OAS2: variants seen among roughly 807,000 people sequenced by gnomAD.
OAS2 encodes the protein 2'-5'-oligoadenylate synthase 2.
OAS2 carries 67 observed loss-of-function variants against 71.3 expected under a neutral mutation model. That is an observed-to-expected ratio of 0.94 (90% CI 0.77 to 1.15). The LOEUF (loss-of-function observed/expected upper bound fraction) is 1.15, where lower values mean the gene tolerates loss of function less well. Among genes scored for constraint, OAS2 ranks in the 50% most tolerant of loss-of-function variants. The probability of loss-of-function intolerance (pLI) is 0.00; values close to 1 mark genes in which losing one functional copy is unlikely to be tolerated. For missense variants in OAS2, 789 were observed against 822.5 expected (o/e 0.96, Z 0.50); for synonymous variants, 327 against 321.8 (o/e 1.02, Z -0.17).
rs1176778260 is a variant in OAS2, at chr12:113,010,409, C to G, written c.*1154C>G. The stretch of plus-strand genomic sequence containing the variant: ...CACCAGGAAGTTGTGGAGCTAGGAT[C>G]CATCCTATTGTCAATGAGATGTTCT... On this transcript the variant is annotated 3_prime_UTR_variant, in exon 10 of 10. Coordinates refer to ENST00000392583, the MANE Select transcript of OAS2 (RefSeq NM_002535.3). 1 of 1,613,974 alleles carries G rather than the reference C, an allele frequency of 6.2e-7. No homozygotes were observed. The highest frequency in any genetic ancestry group is 1.3e-5 in the African/African-American group (1 of 75,040).
chr12:112,991,924 T>C (rs79455699), intron 2 of OAS2, among the ~76,000 whole-genome samples: 1,708 of 152,192 alleles, frequency 0.011, 35 homozygotes, highest in East Asian at 0.068. Flanking sequence ...GTTGGTTGGA[T>C]GGATGGATGG....
rs752721438 is a variant in OAS2, at chr12:113,006,444, C to T, written c.1500C>T (p.Pro500=). The part of the protein sequence containing the change: ...GQLSSGSTPS[P]EVYAGLIDLY... ...TGAGTTCTGGCTCCACACCCAGCCC[C>T]GAGGTTTATGCAGGGCTCATTGATC... Residue 500 remains proline (P), a synonymous_variant, in exon 8 of 10, where the codon CCC becomes CCT. Transcript: ENST00000392583. 16 of 1,580,928 alleles carry T rather than the reference C, an allele frequency of 1.0e-5. No homozygotes were observed. The highest frequency in any genetic ancestry group is 1.7e-4 in the Middle Eastern group (1 of 5,828).
At chr12:112,990,780 G>C (rs1408358190) in intron 2 of OAS2, among the ~76,000 whole-genome samples, 2 of 152,162 alleles carry the variant, frequency 1.3e-5, no homozygotes, top group Non-Finnish European at 2.9e-5. Flanking sequence ...AGTCTGTTCT[G>C]TCAGTCTTGG....
chr12:112,995,963 G>A (rs1844765592), intron 3 of OAS2, among the ~76,000 whole-genome samples: 1 of 151,902 alleles, frequency 6.6e-6, no homozygotes, highest in Non-Finnish European at 1.5e-5. Context: ...CACCATACCT[G>A]GCTAATTTTT....
intron 1 of OAS2, among the ~76,000 whole-genome samples, chr12:112,979,480 G>T (rs551771160): frequency 2.6e-5 from 4 of 152,304 alleles, no homozygotes; most frequent in African/African-American, 7.2e-5. Context: ...ATCTAGACAC[G>T]TGGTGTCCCC....
intron 1 of OAS2, among the ~76,000 whole-genome samples, chr12:112,986,773 A>G (rs2044141141): frequency 6.6e-6 from 1 of 152,190 alleles, no homozygotes; most frequent in African/African-American, 2.4e-5. Flanking sequence ...GCCCTGGGAC[A>G]GTAAGCACAG....
intron 1 of OAS2, among the ~76,000 whole-genome samples, chr12:112,982,583 TG>T (rs34164706): frequency 0.25 from 38,530 of 152,094 alleles, 5,071 homozygotes; most frequent in East Asian, 0.41. Context: ...GCTAGCATTT[TG>T]TTGAAGGTAT....
chr12:112,999,453 T>C (rs932790947), intron 5 of OAS2, among the ~76,000 whole-genome samples: 1 of 152,216 alleles, frequency 6.6e-6, no homozygotes, highest in African/African-American at 2.4e-5. Context: ...GATTAATTTA[T>C]ATTCAAGTTA....
In OAS2 at chr12:113,011,089, A is replaced by C. The variant is rs558092036; in HGVS notation, c.*1834A>C. 32 of 144,544 alleles carry C rather than the reference A, an allele frequency of 2.2e-4. No individual in the cohort carries two copies. The highest frequency in any genetic ancestry group is 7.5e-4 in the African/African-American group (31 of 41,060). The allele number at this position is 144,544 out of a possible 1,614,324, so 9.0% of individuals were successfully genotyped here. A position where few individuals can be genotyped will look rare whatever the true frequency, so the allele number is the denominator to read the frequency against. On this transcript the variant is annotated 3_prime_UTR_variant, in exon 10 of 10. Coordinates refer to ENST00000392583, the MANE Select transcript of OAS2 (RefSeq NM_002535.3). The stretch of plus-strand genomic sequence containing the variant: ...AGGAGTATCCTCTTGCCAAATCAAA[A>C]GACTTTTTCCTTGGGCTTTAGCCTT...
At chr12:113,000,635 G>A (rs1008822258) in intron 5 of OAS2, among the ~76,000 whole-genome samples, 7 of 139,628 alleles carry the variant, frequency 5.0e-5, no homozygotes, top group African/African-American at 8.3e-5. Context: ...ATGCACACAC[G>A]TACTCACACC....
At chr12:113,005,918 C>CAAAAAAAAAAAAAAAAAAAAAAA (rs138299398) in intron 7 of OAS2, among the ~76,000 whole-genome samples, 4 of 49,048 alleles carry the variant, frequency 8.2e-5, no homozygotes, top group African/African-American at 1.2e-4. Context: ...ACAACAACAA[C>CAAAAAAAAAAAAAAAAAAAAAAA]AAAAAAAAAA....
At chr12:112,993,971 G>A (rs991257473) in intron 2 of OAS2, among the ~76,000 whole-genome samples, 11 of 142,128 alleles carry the variant, frequency 7.7e-5, no homozygotes, top group African/African-American at 2.9e-4. Flanking sequence ...GTGGGGGGGG[G>A]AGGGTTGTTT....
chr12:113,004,588 T>A (rs2044314625), intron 6 of OAS2, among the ~76,000 whole-genome samples: 1 of 152,206 alleles, frequency 6.6e-6, no homozygotes, highest in South Asian at 2.1e-4. Flanking sequence ...ATTATTGCAT[T>A]CCGCTCGATT....
At chr12:112,988,406 T>C in intron 2 of OAS2, 2 of 279,570 alleles carry the variant, frequency 7.2e-6, no homozygotes, top group Non-Finnish European at 1.1e-5. Context: ...GAAAGTGAGG[T>C]ACAGAAACAG....
At chr12:112,981,866 G>C (rs1275472542) in intron 1 of OAS2, among the ~76,000 whole-genome samples, 1 of 152,060 alleles carries the variant, frequency 6.6e-6, no homozygotes, top group Non-Finnish European at 1.5e-5. Context: ...CTTTCCATTT[G>C]CTTGTGTCAC....
At chr12:113,001,069 C>A (rs375728711) in intron 5 of OAS2, among the ~76,000 whole-genome samples, 1 of 152,140 alleles carries the variant, frequency 6.6e-6, no homozygotes, top group South Asian at 2.1e-4. Flanking sequence ...TTGAGCCAGG[C>A]ACAGTGGCTC....
Position 113,005,299 on chromosome 12 carries a change from G to A in OAS2, c.1468+77G>A, listed in dbSNP as rs932633082. On this transcript the variant is annotated intron_variant, in intron 7 of 9. Transcript: ENST00000392583. ...GGAGAGCCACGTGACTTGATTACGG[G>A]CTCTGAAAACATGTGCCACTCATGG... is the stretch of plus-strand genomic sequence containing the variant. 7 of 1,447,296 alleles carry A rather than the reference G, an allele frequency of 4.8e-6. No individual in the cohort carries two copies. In the African/African-American group the frequency reaches 5.7e-5, roughly 12 times the overall value. 89.7% of individuals were successfully genotyped at this position (1,447,296 alleles called of 1,614,324 possible).
intron 5 of OAS2, among the ~76,000 whole-genome samples, chr12:112,999,672 G>A (rs1280348922): frequency 6.6e-6 from 1 of 152,132 alleles, no homozygotes; most frequent in East Asian, 1.9e-4. Flanking sequence ...ACTTTCACTG[G>A]ACCCCTGGTC....
chr12:113,009,212 G>A lies in OAS2; in HGVS notation c.2021G>A (p.Gly674Glu). The A allele has an allele frequency of 6.2e-7, 1 of 1,614,110 alleles. No homozygotes were observed. The highest frequency in any genetic ancestry group is 2.2e-5 in the East Asian group (1 of 44,872). Residue 674 changes from glycine to glutamate, a missense_variant, in exon 10 of 10, where the codon GGA becomes GAA. Gly to Glu is a moderately conservative substitution (Grantham distance 98, BLOSUM62 -2). Transcript: ENST00000392583. ...TCTCCCTGCTTCAAGGATGGGACTG[G>A]AAACCCAATACCACCTTGGAAAGTG... is the stretch of plus-strand genomic sequence containing the variant. ...LSSPCFKDGT[G>E]NPIPPWKVPV...
Sources: gnomAD v4.1 joint callset for allele counts (sites outside exome capture counted in the v4.1 genomes callset) on GRCh38, gnomAD v4.1.1 for gene constraint, MANE v1.5 for transcripts, NCBI Gene and HGNC (gene_info 2026-07-23, HGNC 2026-07-21) for gene names.